KCNT2: variants seen among roughly 807,000 people sequenced by gnomAD.
KCNT2 encodes potassium channel subfamily T member 2.
In KCNT2, 67 loss-of-function variants were observed where a neutral mutation model predicts 153.8. The ratio of observed to expected loss-of-function variants is 0.44; its 90% confidence interval spans 0.36 to 0.53. The LOEUF (loss-of-function observed/expected upper bound fraction) is 0.53, where lower values mean the gene tolerates loss of function less well. Among genes scored for constraint, KCNT2 ranks in the 20% least tolerant of loss-of-function variants. KCNT2 has a pLI of 0.00. For missense variants in KCNT2, 975 were observed against 1,354.8 expected (o/e 0.72, Z 4.40); for synonymous variants, 500 against 458.8 (o/e 1.09, Z -1.15).
intron 1 of KCNT2, among the ~76,000 whole-genome samples, chr1:196,601,058 C>G (rs1664667545): frequency 6.6e-6 from 1 of 152,312 alleles, no homozygotes; most frequent in South Asian, 2.1e-4. Flanking sequence ...CTAGTTTGGT[C>G]TCTTGAACTC....
intron 25 of KCNT2, among the ~76,000 whole-genome samples, chr1:196,265,160 G>C (rs1366051926): frequency 3.9e-5 from 6 of 152,172 alleles, no homozygotes; most frequent in Non-Finnish European, 7.3e-5. Flanking sequence ...ATGAAAGGTA[G>C]TCTTAACAAC....
At chr1:196,451,407 A>ATTTTTTTTTTTTTTTTTTT in intron 8 of KCNT2, among the ~76,000 whole-genome samples, 1 of 62,894 alleles carries the variant, frequency 1.6e-5, no homozygotes, top group Non-Finnish European at 2.7e-5. Flanking sequence ...CACCCAACAC[A>ATTTTTTTTTTTTTTTTTTT]TTTTTTTTTT....
intron 16 of KCNT2, 63 bp from the exon 17 acceptor site, chr1:196,334,123 G>T (rs1335324577): frequency 3.1e-6 from 3 of 963,858 alleles, no homozygotes; most frequent in Non-Finnish European, 4.9e-6. Context: ...AGTGTTGAAG[G>T]TTACATGAAA....
chr1:196,604,590 C>A (rs1214994030), intron 1 of KCNT2, among the ~76,000 whole-genome samples: 2 of 152,146 alleles, frequency 1.3e-5, no homozygotes, highest in Non-Finnish European at 2.9e-5. Flanking sequence ...CTCTGCACTG[C>A]TGTGTCTAAC....
At chr1:196,265,577 C>T (rs1017098196) in intron 25 of KCNT2, among the ~76,000 whole-genome samples, 12 of 152,144 alleles carry the variant, frequency 7.9e-5, no homozygotes, top group African/African-American at 2.9e-4. Flanking sequence ...GCATCAGCCC[C>T]CATTCTACAG....
chr1:196,323,136 A>C (rs990869019), intron 19 of KCNT2, among the ~76,000 whole-genome samples: 2 of 151,984 alleles, frequency 1.3e-5, no homozygotes, highest in African/African-American at 4.8e-5. Context: ...ATAAATTTAG[A>C]ACTTAGATCT....
At chr1:196,464,564 A>G (rs1677440365) in intron 8 of KCNT2, among the ~76,000 whole-genome samples, 1 of 151,780 alleles carries the variant, frequency 6.6e-6, no homozygotes, top group South Asian at 2.1e-4. Context: ...CTCTTTCTCA[A>G]TAGGGTCAGA....
chr1:196,342,238 A>G lies in KCNT2; in HGVS notation c.1404-10T>C. On this transcript the variant is annotated splice_polypyrimidine_tract_variant and intron_variant, in intron 14 of 27. Coordinates refer to ENST00000294725, the MANE Select transcript of KCNT2 (RefSeq NM_198503.5). The stretch of plus-strand genomic sequence containing the variant: ...CGATTGCTGGCCTTCTCTGCAACAC[A>G]GGCACACACACATACACACACACAA... 6.2e-7 allele frequency: 1 copy of G among 1,609,048 alleles called. No homozygotes were observed. Among genetic ancestry groups the G allele is most frequent in the Non-Finnish European group, 8.5e-7 (1 of 1,177,460 alleles).
intron 1 of KCNT2, among the ~76,000 whole-genome samples, chr1:196,543,897 T>C (rs770584170): frequency 2.2e-4 from 33 of 152,170 alleles, no homozygotes; most frequent in Admixed American, 3.3e-4. Context: ...CAGGCATTTA[T>C]GCCACAGAAA....
intron 1 of KCNT2, among the ~76,000 whole-genome samples, chr1:196,525,512 T>C (rs1351957846): frequency 2.0e-5 from 3 of 152,228 alleles, no homozygotes; most frequent in African/African-American, 4.8e-5. Flanking sequence ...TCATGAGTTA[T>C]AGGGCTGCTG....
At chr1:196,265,088 G>T (rs1657411414) in intron 25 of KCNT2, among the ~76,000 whole-genome samples, 1 of 152,130 alleles carries the variant, frequency 6.6e-6, no homozygotes, top group South Asian at 2.1e-4. Context: ...CTTAGTGCAG[G>T]TGTGCAATCA....
At chr1:196,246,791 A>C (rs748220552) in intron 26 of KCNT2, among the ~76,000 whole-genome samples, 191 of 152,256 alleles carry the variant, frequency 1.3e-3, no homozygotes, top group Non-Finnish European at 2.3e-3. Context: ...TGATAAATAA[A>C]AAGTAAGAAA....
At chr1:196,270,104 C>T (rs1227460910) in intron 25 of KCNT2, among the ~76,000 whole-genome samples, 3 of 151,716 alleles carry the variant, frequency 2.0e-5, no homozygotes, top group African/African-American at 2.4e-5. Flanking sequence ...TATAGAATTG[C>T]TTTTCTTTTA....
intron 1 of KCNT2, among the ~76,000 whole-genome samples, chr1:196,533,292 C>A (rs1655171307): frequency 6.6e-6 from 1 of 151,878 alleles, no homozygotes; most frequent in Admixed American, 6.6e-5. Context: ...CTTAGGACTG[C>A]ATATGTAAGA....
At chr1:196,450,812 A>G (rs1258776825) in intron 8 of KCNT2, among the ~76,000 whole-genome samples, 7 of 151,826 alleles carry the variant, frequency 4.6e-5, no homozygotes, top group Admixed American at 4.6e-4. Context: ...CGTCTATCTG[A>G]GTACGTTCTT....
At chr1:196,581,078 A>G (rs891626780) in intron 1 of KCNT2, among the ~76,000 whole-genome samples, 10 of 152,078 alleles carry the variant, frequency 6.6e-5, no homozygotes, top group African/African-American at 2.4e-4. Flanking sequence ...CAAAACGTAC[A>G]GTTTTTTTTT....
intron 8 of KCNT2, among the ~76,000 whole-genome samples, chr1:196,443,498 A>T (rs369811496): frequency 1.3e-5 from 2 of 151,688 alleles, no homozygotes; most frequent in South Asian, 2.1e-4. Context: ...TGTAAGATCA[A>T]ACAGGTTTAC....
At position 196,481,547 on chromosome 1, in the gene KCNT2, T is replaced by C. The variant is rs565593547; in HGVS notation, c.324+784A>G. On this transcript the variant is annotated intron_variant, in intron 4 of 27. Transcript: ENST00000294725. ...TCTTTCTCTTTCCTCCAGACTCAAG[T>C]GTCTTCCAATCTCCAATTCTTTCTG... 1.2e-4 allele frequency among the ~76,000 whole-genome samples: 18 copies of C among 152,334 alleles called. No homozygotes were observed. In the East Asian group the frequency reaches 1.7e-3, roughly 15 times the overall value.
chr1:196,565,739 T>C (rs1166352354), intron 1 of KCNT2, among the ~76,000 whole-genome samples: 1 of 151,712 alleles, frequency 6.6e-6, no homozygotes, highest in East Asian at 1.9e-4. Context: ...TATTGCATGA[T>C]CTCATTTATT....
Sources: allele counts gnomAD v4.1 joint callset (sites outside exome capture counted in the v4.1 genomes callset), GRCh38; gene constraint gnomAD v4.1.1; transcripts MANE v1.5; gene names NCBI Gene and HGNC (gene_info 2026-07-23, HGNC 2026-07-21).